Variants in CSMD1 observed in about 807,000 individuals in gnomAD.
CSMD1 encodes CUB and Sushi multiple domains 1.
CSMD1 carries 213 observed loss-of-function variants against 417.5 expected under a neutral mutation model. The observed-to-expected ratio is 0.51, with a 90% confidence interval of 0.46 to 0.57. CSMD1 has a LOEUF of 0.57. CSMD1 is among the 20% of genes least tolerant of loss of function. The pLI is 0.00. For missense variants in CSMD1, 6,923 were observed against 4,529.7 expected, an observed-to-expected ratio of 1.53 and a Z score of -15.17; for synonymous variants, 2,862 against 1,736.8, an observed-to-expected ratio of 1.65 and a Z score of -16.11.
At chr8:3,881,604 ATCTC>A (rs1806207024) in intron 5 of CSMD1, among the ~76,000 whole-genome samples, 1 of 125,694 alleles carries the variant, frequency 8.0e-6, no homozygotes, top group Non-Finnish European at 1.6e-5. Flanking sequence ...GCAAGACTCC[ATCTC>A]AAAAAAAAAA....
intron 10 of CSMD1, among the ~76,000 whole-genome samples, chr8:3,504,634 ACT>A (rs1175621209): frequency 6.6e-6 from 1 of 151,982 alleles, no homozygotes; most frequent in Non-Finnish European, 1.5e-5. Context: ...CTTCTCTCTG[ACT>A]CTGCAATTTC....
intron 3 of CSMD1, among the ~76,000 whole-genome samples, chr8:4,051,473 T>C (rs545332928): frequency 5.9e-5 from 9 of 152,302 alleles, no homozygotes; most frequent in South Asian, 4.1e-4. Flanking sequence ...CACGTATAAA[T>C]TGAATGCACC....
At chr8:4,239,347 G>A (rs182169590) in intron 3 of CSMD1, among the ~76,000 whole-genome samples, 1 of 152,160 alleles carries the variant, frequency 6.6e-6, no homozygotes, top group Non-Finnish European at 1.5e-5. Flanking sequence ...CTTCAACCTT[G>A]GTGGAACTGC....
chr8:4,312,077 G>C (rs79031253), intron 3 of CSMD1, among the ~76,000 whole-genome samples: 11,491 of 152,116 alleles, frequency 0.076, 1,026 homozygotes, highest in East Asian at 0.23. Context: ...TACGTAGAAT[G>C]TGTGTCAATT....
chr8:4,178,611 T>C (rs1484775892), intron 3 of CSMD1, among the ~76,000 whole-genome samples: 1 of 151,610 alleles, frequency 6.6e-6, no homozygotes, highest in East Asian at 1.9e-4. Context: ...AAATAAAGGG[T>C]ATTCAATTAG....
At chr8:4,510,390 TAAA>T (rs34791623) in intron 2 of CSMD1, among the ~76,000 whole-genome samples, 1,034 of 54,226 alleles carry the variant, frequency 0.019, 3 homozygotes, top group African/African-American at 0.026. Flanking sequence ...GCATAATGCC[TAAA>T]AAAAAAAAAA....
At chr8:3,457,981 T>C (rs921935308) in intron 12 of CSMD1, among the ~76,000 whole-genome samples, 1 of 152,214 alleles carries the variant, frequency 6.6e-6, no homozygotes, top group African/African-American at 2.4e-5. Context: ...AAGTACACCT[T>C]GTTAATTTCA....
intron 5 of CSMD1, among the ~76,000 whole-genome samples, chr8:3,857,604 G>C (rs1804402568): frequency 6.6e-6 from 1 of 152,138 alleles, no homozygotes; most frequent in Non-Finnish European, 1.5e-5. Flanking sequence ...GAGGTTTGTG[G>C]TGGGGCCAGG....
intron 3 of CSMD1, among the ~76,000 whole-genome samples, chr8:4,304,934 C>G (rs555394189): frequency 2.0e-5 from 3 of 152,054 alleles, no homozygotes; most frequent in Admixed American, 6.6e-5. Context: ...TGAACAAGTA[C>G]TCTTTTATCA....
intron 5 of CSMD1, among the ~76,000 whole-genome samples, chr8:3,941,104 T>C (rs1423390313): frequency 2.0e-5 from 3 of 152,040 alleles, no homozygotes; most frequent in African/African-American, 4.8e-5. Context: ...TCATTTATGC[T>C]AGAAAATAAA....
Position 3,107,733 on chromosome 8 carries a change from C to T in CSMD1, c.6820G>A (p.Asp2274Asn). Reference protein sequence around the residue: ...VPQAEMLTEDDDFEIGDFVKY... With the variant: ...VPQAEMLTEDNDFEIGDFVKY... ...AAAGTATTACCTATTTCGAAATCAT[C>T]ATCCTCAGTAAGCATTTCTGCCTGT... The change falls in exon 45 of 70, where the codon GAT becomes AAT. Residue 2274 changes from aspartate to asparagine, a missense_variant. Coordinates refer to ENST00000635120, the MANE Select transcript of CSMD1 (RefSeq NM_033225.6). The T allele has an allele frequency of 6.3e-7, 1 of 1,588,866 alleles. No individual in the cohort carries two copies. The highest frequency in any genetic ancestry group is 1.1e-5 in the South Asian group (1 of 87,750).
intron 1 of CSMD1, among the ~76,000 whole-genome samples, chr8:4,983,977 C>A (rs912246705): frequency 8.5e-5 from 13 of 152,172 alleles, no homozygotes; most frequent in Non-Finnish European, 4.4e-5. Flanking sequence ...GTGTACCTGG[C>A]CTGGCTGAAT....
intron 7 of CSMD1, among the ~76,000 whole-genome samples, chr8:3,646,589 C>T (rs945261996): frequency 2.6e-5 from 4 of 152,184 alleles, no homozygotes; most frequent in African/African-American, 9.7e-5. Context: ...AGTAGGACCG[C>T]CCAAAGTAGC....
At chr8:3,607,912 G>A (rs946739259) in intron 8 of CSMD1, among the ~76,000 whole-genome samples, 1 of 152,208 alleles carries the variant, frequency 6.6e-6, no homozygotes, top group Admixed American at 6.5e-5. Flanking sequence ...GTTCATGCCT[G>A]TAATCCCAGC....
intron 3 of CSMD1, among the ~76,000 whole-genome samples, chr8:4,190,116 G>T (rs554269972): frequency 6.6e-6 from 1 of 151,756 alleles, no homozygotes; most frequent in Non-Finnish European, 1.5e-5. Context: ...AAAATGAGCC[G>T]GGCGTGGTGG....
chr8:3,315,082 C>T (rs1259530363), intron 23 of CSMD1, among the ~76,000 whole-genome samples: 1 of 152,176 alleles, frequency 6.6e-6, no homozygotes, highest in African/African-American at 2.4e-5. Context: ...TACTATCTAT[C>T]TGTTAATTTT....
At chr8:2,958,216 C>G (rs1803160442) in intron 62 of CSMD1, among the ~76,000 whole-genome samples, 1 of 152,172 alleles carries the variant, frequency 6.6e-6, no homozygotes, top group Non-Finnish European at 1.5e-5. Context: ...CCTACTCATA[C>G]AGAGTCCACC....
intron 3 of CSMD1, among the ~76,000 whole-genome samples, chr8:4,278,283 G>C (rs759530890): frequency 3.3e-5 from 5 of 152,106 alleles, no homozygotes; most frequent in Non-Finnish European, 7.4e-5. Flanking sequence ...GGAGTGTAAA[G>C]TTCAAGGAGG....
chr8:3,328,271 A>C (rs907742003), intron 23 of CSMD1, among the ~76,000 whole-genome samples: 2 of 152,154 alleles, frequency 1.3e-5, no homozygotes, highest in Non-Finnish European at 2.9e-5. Context: ...GTTCTGCTTC[A>C]TAAATGCTTT....
Sources: allele counts gnomAD v4.1 joint callset (sites outside exome capture counted in the v4.1 genomes callset), GRCh38; gene constraint gnomAD v4.1.1; transcripts MANE v1.5; gene names NCBI Gene and HGNC (gene_info 2026-07-23, HGNC 2026-07-21).